Variants in GALNT10 observed in about 807,000 individuals in gnomAD.
GALNT10 encodes the protein polypeptide N-acetylgalactosaminyltransferase 10.
GALNT10 carries 41 observed loss-of-function variants against 75.0 expected under a neutral mutation model. That is an observed-to-expected ratio of 0.55 (90% CI 0.43 to 0.71). The LOEUF (loss-of-function observed/expected upper bound fraction) is 0.71. Among genes scored for constraint, GALNT10 ranks in the 30% least tolerant of loss-of-function variants. The pLI is 0.00. For synonymous variants in GALNT10, 302 were observed against 313.0 expected (o/e 0.96, Z 0.37); for missense variants, 727 against 818.5 (o/e 0.89, Z 1.36).
chr5:154,266,694 GC>G (rs1753779239), intron 1 of GALNT10, among the ~76,000 whole-genome samples: 1 of 151,350 alleles, frequency 6.6e-6, no homozygotes. Context: ...GGACAAGGTA[GC>G]CAGACCCTGT....
chr5:154,292,935 T>A (rs1482484816), intron 1 of GALNT10, among the ~76,000 whole-genome samples: 1 of 152,154 alleles, frequency 6.6e-6, no homozygotes, highest in Non-Finnish European at 1.5e-5. Context: ...TTTCTAAGAA[T>A]GCTGAGAACT....
chr5:154,400,286 C>T (rs1170799818), intron 7 of GALNT10, among the ~76,000 whole-genome samples: 1 of 152,188 alleles, frequency 6.6e-6, no homozygotes. Context: ...TTGGGACTGC[C>T]CTGCTGGGTG....
In GALNT10 at chr5:154,415,913, A is replaced by C. The variant is rs1252896374; in HGVS notation, c.1634A>C (p.Gln545Pro). The stretch of plus-strand genomic sequence containing the variant: ...GACTGCCACAGCATGAAGGGCAACC[A>C]GCTGTGGAAATACCGCAAAGTAAGA... ...LYDCHSMKGN[Q>P]LWKYRKDKTL... The change falls in exon 11 of 12, where the codon CAG (glutamine) becomes CCG (proline). Residue 545 changes from glutamine to proline, a missense_variant. Physicochemically the swap from Gln to Pro is moderately conservative, Grantham distance 76. Coordinates refer to ENST00000297107, the MANE Select transcript of GALNT10 (RefSeq NM_198321.4). 4 of 1,614,012 alleles carry C rather than the reference A, an allele frequency of 2.5e-6. No homozygotes were observed.
intron 4 of GALNT10, among the ~76,000 whole-genome samples, chr5:154,346,016 C>G (rs1340318515): frequency 2.3e-5 from 3 of 132,458 alleles, no homozygotes; most frequent in African/African-American, 8.7e-5. Flanking sequence ...CTAGGCTGGT[C>G]TTGAACTCCT....
intron 1 of GALNT10, among the ~76,000 whole-genome samples, chr5:154,274,022 A>G (rs1004945017): frequency 2.0e-5 from 3 of 152,140 alleles, no homozygotes; most frequent in Non-Finnish European, 2.9e-5. Context: ...CTTCAATTCT[A>G]TGCTTCCCTT....
chr5:154,414,689 A>C (rs906100765), intron 10 of GALNT10, among the ~76,000 whole-genome samples: 1 of 152,112 alleles, frequency 6.6e-6, no homozygotes, highest in Non-Finnish European at 1.5e-5. Flanking sequence ...CGGTGTAAAC[A>C]TATGTCAAGA....
chr5:154,230,188 AT>A (rs1391177545), intron 1 of GALNT10, among the ~76,000 whole-genome samples: 7 of 152,196 alleles, frequency 4.6e-5, no homozygotes, highest in African/African-American at 1.7e-4. Context: ...GCAAAGCTTT[AT>A]GTCCCTGAAA....
chr5:154,343,835 A>G lies in GALNT10; in HGVS notation c.568+14097A>G, dbSNP rs1052158132. Among the ~76,000 whole-genome samples the G allele has an allele frequency of 4.1e-4, 62 of 152,116 alleles. 2 individuals are homozygous for G. ...TTTTTGCCCTCAAAATCCTTCCTCAATATGAGCCCACTTCTAACATCTTTG... is the reference window on the plus strand; with the variant it reads ...TTTTTGCCCTCAAAATCCTTCCTCAGTATGAGCCCACTTCTAACATCTTTG... On this transcript the variant is annotated intron_variant, in intron 4 of 11. Transcript: ENST00000297107.
chr5:154,416,764 T>C lies in GALNT10; in HGVS notation c.1654-50T>C, dbSNP rs1756519338. The C allele has an allele frequency of 3.7e-6, 5 of 1,361,904 alleles. No homozygotes were observed. The highest frequency in any genetic ancestry group is 1.8e-4 in the Middle Eastern group (1 of 5,544). 84.4% of individuals were successfully genotyped at this position (1,361,904 alleles called of 1,614,324 possible). Reference sequence around the variant, plus strand: ...GCTGGTATTGTTGCTGTGGTTTGACTGGCCACATGTCTCCAGTGCTGTCTG... The same window carrying C: ...GCTGGTATTGTTGCTGTGGTTTGACCGGCCACATGTCTCCAGTGCTGTCTG... On this transcript the variant is annotated intron_variant, in intron 11 of 11. Transcript: ENST00000297107. The surrounding 1 kb of genome is among the most constrained non-coding windows in gnomAD (Gnocchi z 4.5).
chr5:154,386,710 A>G, intron 7 of GALNT10: 1 of 568,580 alleles, frequency 1.8e-6, no homozygotes, highest in Non-Finnish European at 3.1e-6. Flanking sequence ...TGTTGGAATA[A>G]GGTCTTGCTT....
At chr5:154,391,555 C>T (rs1322667385) in intron 7 of GALNT10, among the ~76,000 whole-genome samples, 4 of 152,234 alleles carry the variant, frequency 2.6e-5, no homozygotes, top group African/African-American at 7.2e-5. Context: ...AACTCCATAG[C>T]CTAGCTCCAG....
chr5:154,220,126 AT>A (rs1752957023), intron 1 of GALNT10: 1 of 152,188 alleles, frequency 6.6e-6, no homozygotes, highest in Non-Finnish European at 1.5e-5. Context: ...GACGTACATA[AT>A]TTTTTAAACA....
At chr5:154,330,908 G>GTGTGTGTGTGT (rs1754848603) in intron 4 of GALNT10, among the ~76,000 whole-genome samples, 1,652 of 126,014 alleles carry the variant, frequency 0.013, 31 homozygotes, top group African/African-American at 0.042. Flanking sequence ...AGACAGAGAG[G>GTGTGTGTGTGT]GTGTGTGTGT....
chr5:154,346,397 G>A (rs567872691), intron 4 of GALNT10, among the ~76,000 whole-genome samples: 6 of 152,292 alleles, frequency 3.9e-5, no homozygotes, highest in South Asian at 4.1e-4. Context: ...CATAATGGCT[G>A]TATGGAAAAT....
At chr5:154,399,395 G>A (rs1252841306) in intron 7 of GALNT10, among the ~76,000 whole-genome samples, 1 of 152,194 alleles carries the variant, frequency 6.6e-6, no homozygotes, top group Non-Finnish European at 1.5e-5. Flanking sequence ...TGTCACAAGA[G>A]GGAGGTGAGC....
intron 6 of GALNT10, among the ~76,000 whole-genome samples, chr5:154,384,574 G>T (rs907820044): frequency 6.6e-6 from 1 of 152,174 alleles, no homozygotes; most frequent in African/African-American, 2.4e-5. Context: ...ATCACCTGTG[G>T]CCAGTGGCTT....
intron 1 of GALNT10, among the ~76,000 whole-genome samples, chr5:154,223,199 AG>A (rs144492028): frequency 0.019 from 2,894 of 152,270 alleles, 90 homozygotes; most frequent in African/African-American, 0.066. Context: ...GTGGAGGGAG[AG>A]GCGTAAGGCA....
intron 7 of GALNT10, 38 bp downstream of exon 7, chr5:154,386,468 C>T (rs760161498): frequency 8.0e-7 from 1 of 1,257,714 alleles, no homozygotes; most frequent in South Asian, 1.2e-5. Flanking sequence ...CTTGGCACAG[C>T]CTCCTGAGTG....
At chr5:154,217,054 T>C (rs1752884432) in intron 1 of GALNT10, among the ~76,000 whole-genome samples, 1 of 152,234 alleles carries the variant, frequency 6.6e-6, no homozygotes, top group South Asian at 2.1e-4. Flanking sequence ...TGCTTAGAGA[T>C]TTGTTGAGCC....
Sources: gnomAD v4.1 joint callset for allele counts (sites outside exome capture counted in the v4.1 genomes callset) on GRCh38, gnomAD v4.1.1 for gene constraint, Gnocchi (gnomAD v3.1) non-coding constraint, MANE v1.5 for transcripts, NCBI Gene and HGNC (gene_info 2026-07-23, HGNC 2026-07-21) for gene names.